The following MACROD2 variants were observed in gnomAD, a reference collection of about 807,000 sequenced individuals.
MACROD2 encodes the protein mono-ADP ribosylhydrolase 2.
Under a neutral mutation model 70.4 loss-of-function variants are expected in MACROD2, and 36 were observed. The ratio of observed to expected loss-of-function variants is 0.51; its 90% CI spans 0.39 to 0.68. The LOEUF (loss-of-function observed/expected upper bound fraction) is 0.68. MACROD2 is among the 30% of genes least tolerant of loss of function. MACROD2 has a pLI of 0.00. For missense variants in MACROD2, 496 were observed against 538.4 expected, an observed-to-expected ratio of 0.92 and a Z score of 0.78; for synonymous variants, 172 against 178.8, an observed-to-expected ratio of 0.96 and a Z score of 0.30.
At chr20:15,282,033 G>A (rs2077450186) in intron 6 of MACROD2, among the ~76,000 whole-genome samples, 1 of 152,196 alleles carries the variant, frequency 6.6e-6, no homozygotes, top group Non-Finnish European at 1.5e-5. Flanking sequence ...CAAGGCTTGG[G>A]GCTTGCACCC....
At chr20:14,365,128 T>C (rs1458093584) in intron 3 of MACROD2, among the ~76,000 whole-genome samples, 2 of 152,182 alleles carry the variant, frequency 1.3e-5, no homozygotes, top group Non-Finnish European at 2.9e-5. Flanking sequence ...GGTTTTTGAT[T>C]ACTGACTTAA....
intron 15 of MACROD2, among the ~76,000 whole-genome samples, chr20:16,033,743 C>T (rs1384740751): frequency 1.3e-5 from 2 of 152,102 alleles, no homozygotes; most frequent in Middle Eastern, 3.4e-3. Context: ...TTGAAATCAG[C>T]TCTGCCTAAG....
At chr20:14,092,647 T>C (rs1330439829) in intron 3 of MACROD2, among the ~76,000 whole-genome samples, 1 of 152,208 alleles carries the variant, frequency 6.6e-6, no homozygotes, top group Non-Finnish European at 1.5e-5. Context: ...ATCAGCTTGA[T>C]TGGGCAAATT....
chr20:15,540,422 G>C (rs1195358249), intron 8 of MACROD2, among the ~76,000 whole-genome samples: 2 of 152,226 alleles, frequency 1.3e-5, no homozygotes, highest in African/African-American at 4.8e-5. Flanking sequence ...AATCAGAAGA[G>C]AAGGAAGTGT....
intron 6 of MACROD2, among the ~76,000 whole-genome samples, chr20:15,258,684 T>A (rs2077221757): frequency 6.6e-6 from 1 of 152,074 alleles, no homozygotes; most frequent in Non-Finnish European, 1.5e-5. Flanking sequence ...CATTAACCAA[T>A]GCATGATGAC....
chr20:14,516,630 C>T (rs1268677413), intron 4 of MACROD2, among the ~76,000 whole-genome samples: 1 of 152,146 alleles, frequency 6.6e-6, no homozygotes, highest in African/African-American at 2.4e-5. Flanking sequence ...GGTGTTATTT[C>T]TGAGGGCTCT....
intron 6 of MACROD2, among the ~76,000 whole-genome samples, chr20:15,261,146 T>A (rs1444067491): frequency 6.6e-6 from 1 of 151,990 alleles, no homozygotes; most frequent in Non-Finnish European, 1.5e-5. Flanking sequence ...AGTAATCCAT[T>A]TATACACAGC....
chr20:14,702,553 G>A lies in MACROD2; in HGVS notation c.418+17594G>A, dbSNP rs555591875. On this transcript the variant is annotated intron_variant, in intron 5 of 17. Coordinates refer to ENST00000684519, the MANE Select transcript of MACROD2 (RefSeq NM_001351661.2). ...CTAAACATTACATATGTGTGTGTGT[G>A]TATATATATATACACATATATGTGT... is the stretch of plus-strand genomic sequence containing the variant. Among the ~76,000 whole-genome samples the A allele has an allele frequency of 1.9e-3, 251 of 133,656 alleles. 5 individuals are homozygous for A. Among genetic ancestry groups the A allele is most frequent in the Non-Finnish European group, 3.5e-3 (225 of 63,436 alleles). The allele number at this position is 133,656 out of a possible 152,430, so 87.7% of individuals were successfully genotyped here.
At chr20:14,894,722 C>T (rs952950250) in intron 5 of MACROD2, 1 of 152,140 alleles carries the variant, frequency 6.6e-6, no homozygotes, top group African/African-American at 2.4e-5. Flanking sequence ...AATAACATAA[C>T]AAAATGAGAA....
At chr20:15,379,010 G>A (rs1053706044) in intron 6 of MACROD2, among the ~76,000 whole-genome samples, 2 of 152,140 alleles carry the variant, frequency 1.3e-5, no homozygotes, top group Non-Finnish European at 2.9e-5. Context: ...TCAAAGGAAA[G>A]CATTAAAGGA....
In MACROD2 at chr20:15,927,747, A is replaced by G. The variant is rs184922557; in HGVS notation, c.776-5529A>G. ...GGCAGCCAACATGGAAACTTTTCTAAGAGTAAGCTATTAAAATAGATCAAT... is the reference window on the plus strand; with the variant it reads ...GGCAGCCAACATGGAAACTTTTCTAGGAGTAAGCTATTAAAATAGATCAAT... On this transcript the variant is annotated intron_variant, in intron 10 of 17. Transcript: ENST00000684519. Among the ~76,000 whole-genome samples the G allele has an allele frequency of 7.2e-5, 11 of 152,324 alleles. No individual in the cohort carries two copies. The East Asian group carries it at 2.1e-3, about 29-fold the overall frequency.
intron 4 of MACROD2, among the ~76,000 whole-genome samples, chr20:14,564,888 AT>A (rs1979675705): frequency 6.6e-6 from 1 of 152,010 alleles, no homozygotes; most frequent in East Asian, 1.9e-4. Context: ...CTGTGTTCAT[AT>A]GCTTATTGCA....
chr20:15,264,727 C>T (rs1331324670), intron 6 of MACROD2, among the ~76,000 whole-genome samples: 1 of 152,096 alleles, frequency 6.6e-6, no homozygotes, highest in African/African-American at 2.4e-5. Context: ...AGTCTCCTCT[C>T]CTGCCACAAA....
intron 8 of MACROD2, among the ~76,000 whole-genome samples, chr20:15,543,501 AT>A (rs1391720392): frequency 6.6e-6 from 1 of 151,698 alleles, no homozygotes; most frequent in East Asian, 1.9e-4. Context: ...TCATTTTTAA[AT>A]TTTCAAGTCA....
At chr20:15,197,032 G>A (rs1203756375) in intron 5 of MACROD2, 1 of 985,224 alleles carries the variant, frequency 1.0e-6, no homozygotes, top group African/African-American at 1.7e-5. Context: ...AGTTTATGCA[G>A]GTGAGTATTT....
chr20:14,227,299 C>T (rs530152849), intron 3 of MACROD2, among the ~76,000 whole-genome samples: 1 of 152,178 alleles, frequency 6.6e-6, no homozygotes, highest in Admixed American at 6.5e-5. Flanking sequence ...GCAACAGGCT[C>T]GGGTCCCCTT....
intron 2 of MACROD2, among the ~76,000 whole-genome samples, chr20:14,020,307 T>G (rs1236410302): frequency 6.6e-6 from 1 of 152,102 alleles, no homozygotes; most frequent in African/African-American, 2.4e-5. Flanking sequence ...ACCCCGTCCC[T>G]ACTAAAAATA....
intron 5 of MACROD2, among the ~76,000 whole-genome samples, chr20:14,969,512 G>T: frequency 6.6e-6 from 1 of 151,830 alleles, no homozygotes; most frequent in Non-Finnish European, 1.5e-5. Context: ...TGAGCAGATA[G>T]GAACCCCCAG....
At chr20:16,049,797 T>G in intron 17 of MACROD2, 33 bp from the exon 18 acceptor site, 1 of 1,611,680 alleles carries the variant, frequency 6.2e-7, no homozygotes, top group Non-Finnish European at 8.5e-7. Context: ...TGTCTTATCT[T>G]TAATCTAACA....
Sources: gnomAD v4.1 joint callset for allele counts (sites outside exome capture counted in the v4.1 genomes callset) on GRCh38, gnomAD v4.1.1 for gene constraint, MANE v1.5 for transcripts, NCBI Gene and HGNC (gene_info 2026-07-23, HGNC 2026-07-21) for gene names.